Variants in MTR observed in about 807,000 individuals in gnomAD.
MTR encodes methionine synthase.
A neutral mutation model predicts 154.8 loss-of-function variants in MTR; 84 were observed. That is an observed-to-expected ratio of 0.54 (90% CI 0.45 to 0.65). MTR has a LOEUF of 0.65. MTR is among the 30% of genes least tolerant of loss of function. MTR has a pLI of 0.00. For missense variants in MTR, 1,275 were observed against 1,570.2 expected (o/e 0.81, Z 3.18); for synonymous variants, 554 against 553.9 (o/e 1.00, Z 0.00).
At chr1:236,890,996 C>A in intron 28 of MTR, 137 bp from the exon 29 acceptor site, 1 of 1,041,360 alleles carries the variant, frequency 9.6e-7, no homozygotes. Flanking sequence ...GTGGCAAACA[C>A]CAGAAAGCAT....
intron 8 of MTR, chr1:236,820,058 A>G: frequency 1.3e-6 from 1 of 792,636 alleles, no homozygotes. Context: ...CTTTATGTTA[A>G]CCTGCCTACC....
chr1:236,812,881 A>G (rs2103048176), intron 6 of MTR, 37 bp downstream of exon 6: 1 of 1,546,666 alleles, frequency 6.5e-7, no homozygotes, highest in Admixed American at 1.7e-5. Flanking sequence ...AGGCTGGGGT[A>G]AGGGCTGTGG....
At chr1:236,829,729 CA>C (rs1383557921) in intron 12 of MTR, among the ~76,000 whole-genome samples, 1 of 152,152 alleles carries the variant, frequency 6.6e-6, no homozygotes, top group Non-Finnish European at 1.5e-5. Context: ...TAGGACTTTA[CA>C]AAGACTTGTG....
Position 236,803,410 on chromosome 1 carries a change from C to T in MTR, c.35-18C>T. The T allele has an allele frequency of 6.2e-7, 1 of 1,611,322 alleles. No homozygotes were observed. The highest frequency in any genetic ancestry group is 2.2e-5 in the East Asian group (1 of 44,868). On this transcript the variant is annotated intron_variant, in intron 1 of 32. Coordinates refer to ENST00000366577, the MANE Select transcript of MTR (RefSeq NM_000254.3). ...TCACCTTTCATTCTTTGAAGTCAAA[C>T]TTTCACTTTCTTTAAAGAAGGTCTG...
chr1:236,852,801 CT>C, intron 17 of MTR, 146 bp from the exon 18 acceptor site: 2 of 1,108,584 alleles, frequency 1.8e-6, no homozygotes, highest in Non-Finnish European at 1.4e-6. Context: ...TCTGTGGCTG[CT>C]TTTATGCTGT....
chr1:236,844,740 G>A (rs568780010), intron 15 of MTR, among the ~76,000 whole-genome samples: 1 of 152,246 alleles, frequency 6.6e-6, no homozygotes, highest in Admixed American at 6.5e-5. Flanking sequence ...GCTGGTTGAT[G>A]TGCTGGCGGG....
chr1:236,888,876 G>A (rs1666163513), intron 27 of MTR, among the ~76,000 whole-genome samples: 1 of 152,180 alleles, frequency 6.6e-6, no homozygotes, highest in Admixed American at 6.5e-5. Flanking sequence ...CTTCATTTGT[G>A]CAAGTGAGGA....
Position 236,850,430 on chromosome 1 carries a change from T to C in MTR, c.1602T>C (p.Ile534=). 6.2e-7 allele frequency: 1 copy of C among 1,613,762 alleles called. No homozygotes were observed. The highest frequency in any genetic ancestry group is 8.5e-7 in the Non-Finnish European group (1 of 1,179,902). ...AACTGGGCTTTAATCCAAATGACAT[T>C]ATTTTTGACCCTAATATCCTAACCA... is the stretch of plus-strand genomic sequence containing the variant. ...VKKLGFNPND[I]IFDPNILTIG... is the part of the protein sequence containing the mutation. Residue 534 remains isoleucine, a synonymous_variant, in exon 16 of 33, where the codon ATT becomes ATC. Coordinates refer to ENST00000366577, the MANE Select transcript of MTR (RefSeq NM_000254.3).
At chr1:236,846,779 T>C (rs568703636) in intron 15 of MTR, among the ~76,000 whole-genome samples, 98 of 152,368 alleles carry the variant, frequency 6.4e-4, no homozygotes, top group Non-Finnish European at 1.3e-3. Context: ...TTTAGATTTT[T>C]TCCCTTGGAA....
chr1:236,807,887 A>G (rs1422351301), intron 3 of MTR, among the ~76,000 whole-genome samples: 2 of 152,240 alleles, frequency 1.3e-5, no homozygotes, highest in Non-Finnish European at 2.9e-5. Flanking sequence ...AGCTATAGAC[A>G]TTATATAAAT....
chr1:236,857,093 G>A (rs1483423324), intron 18 of MTR, among the ~76,000 whole-genome samples: 1 of 152,148 alleles, frequency 6.6e-6, no homozygotes, highest in Non-Finnish European at 1.5e-5. Flanking sequence ...CTAGATCCTT[G>A]AGGAATCGCT....
At chr1:236,852,906 G>C (rs767799166) in intron 17 of MTR, 42 bp from the exon 18 acceptor site, 5 of 1,611,142 alleles carry the variant, frequency 3.1e-6, no homozygotes, top group Non-Finnish European at 2.5e-6. Flanking sequence ...GCTGACTTAA[G>C]GTATCACTGT....
intron 5 of MTR, among the ~76,000 whole-genome samples, 182 bp downstream of exon 5, chr1:236,810,777 A>G (rs1481449007): frequency 1.3e-5 from 2 of 152,200 alleles, no homozygotes; most frequent in African/African-American, 4.8e-5. Flanking sequence ...AAAGTTAGCT[A>G]TGATGATTAT....
At chr1:236,894,608 G>C (rs1363356710) in intron 30 of MTR, 51 bp downstream of exon 30, 2 of 1,599,972 alleles carry the variant, frequency 1.3e-6, no homozygotes, top group Non-Finnish European at 1.7e-6. Context: ...CCAGGCAGTA[G>C]GGAGCCTGGG....
intron 1 of MTR, 91 bp downstream of exon 1, chr1:236,795,828 G>T: frequency 6.3e-7 from 1 of 1,594,296 alleles, no homozygotes; most frequent in Non-Finnish European, 8.6e-7. Context: ...CTTCTGCGGC[G>T]GGAGACGCCC....
intron 19 of MTR, 140 bp downstream of exon 19, chr1:236,860,062 CCCAGCTG>C: frequency 8.0e-6 from 3 of 376,308 alleles, no homozygotes; most frequent in Non-Finnish European, 1.5e-5. Context: ...CTTGCTGTCC[CCCAGCTG>C]CCCCCCCCCC....
Position 236,894,469 on chromosome 1 carries a change from G to C in MTR, c.3317G>C (p.Gly1106Ala). The C allele has an allele frequency of 4.3e-6, 7 of 1,614,144 alleles. No individual in the cohort carries two copies. The highest frequency in any genetic ancestry group is 5.1e-6 in the Non-Finnish European group (6 of 1,180,030). Residue 1106 changes from glycine (G) to alanine (A), a missense_variant, in exon 30 of 33, where the codon GGG (glycine) becomes GCG (alanine). Physicochemically the swap from Gly to Ala is moderately conservative, Grantham distance 60 (BLOSUM62 0). Transcript: ENST00000366577. Reference sequence around the variant, plus strand: ...GGCCTGTTTGCCGTTGCCTGCTTTGGGGTAGAAGAGCTGAGCAAGGCCTAT... The same window carrying C: ...GGCCTGTTTGCCGTTGCCTGCTTTGCGGTAGAAGAGCTGAGCAAGGCCTAT... ...YLGLFAVACF[G>A]VEELSKAYED...
At chr1:236,830,699 G>C (rs934635045) in intron 12 of MTR, among the ~76,000 whole-genome samples, 1 of 152,148 alleles carries the variant, frequency 6.6e-6, no homozygotes, top group Non-Finnish European at 1.5e-5. Flanking sequence ...CTCCCTGCTT[G>C]CCTGTCCTGG....
chr1:236,809,312 T>G (rs1661169272), intron 4 of MTR, among the ~76,000 whole-genome samples: 1 of 152,224 alleles, frequency 6.6e-6, no homozygotes, highest in East Asian at 1.9e-4. Context: ...TGCTTGGACT[T>G]GAAAAGTGGC....
Sources: allele counts gnomAD v4.1 joint callset (sites outside exome capture counted in the v4.1 genomes callset), GRCh38; gene constraint gnomAD v4.1.1; transcripts MANE v1.5; gene names NCBI Gene and HGNC (gene_info 2026-07-23, HGNC 2026-07-21).